The following FNBP1L variants were observed in gnomAD, a reference collection of about 807,000 sequenced individuals.
FNBP1L encodes formin binding protein 1 like.
A neutral mutation model predicts 91.2 loss-of-function variants in FNBP1L; 36 were observed. The ratio of observed to expected loss-of-function variants is 0.39; its 90% CI spans 0.30 to 0.52. The LOEUF (loss-of-function observed/expected upper bound fraction) is 0.52. FNBP1L is among the 20% of genes least tolerant of loss of function. The pLI is 0.66. For missense variants in FNBP1L, 571 were observed against 732.1 expected (o/e 0.78, Z 2.54); for synonymous variants, 242 against 237.0 (o/e 1.02, Z -0.19).
At chr1:93,449,522 T>G (rs1668412258) in intron 1 of FNBP1L, among the ~76,000 whole-genome samples, 1 of 152,190 alleles carries the variant, frequency 6.6e-6, no homozygotes, top group Non-Finnish European at 1.5e-5. Context: ...CAAAATGTTT[T>G]CTTATTTTTC....
At chr1:93,475,969 G>GT (rs1296150641) in intron 1 of FNBP1L, among the ~76,000 whole-genome samples, 1 of 151,864 alleles carries the variant, frequency 6.6e-6, no homozygotes, top group Non-Finnish European at 1.5e-5. Context: ...ACTCAATTTT[G>GT]TTTTTTTAAT....
chr1:93,508,376 C>G (rs916571141), intron 2 of FNBP1L, among the ~76,000 whole-genome samples: 1 of 152,044 alleles, frequency 6.6e-6, no homozygotes, highest in South Asian at 2.1e-4. Flanking sequence ...TGTCTTCTTT[C>G]AGAGCATATG....
At chr1:93,501,260 G>T (rs911493480) in intron 2 of FNBP1L, among the ~76,000 whole-genome samples, 1 of 152,092 alleles carries the variant, frequency 6.6e-6, no homozygotes, top group African/African-American at 2.4e-5. Context: ...AAAAATAGAT[G>T]AAATTTACTG....
chr1:93,545,814 G>C (rs1204159629), intron 12 of FNBP1L, among the ~76,000 whole-genome samples: 3 of 150,208 alleles, frequency 2.0e-5, no homozygotes, highest in Non-Finnish European at 3.0e-5. Context: ...ACTTTCACCT[G>C]ATTGGATGCT....
chr1:93,522,256 TTAA>T (rs1376590839), intron 3 of FNBP1L, 121 bp downstream of exon 3: 3 of 412,294 alleles, frequency 7.3e-6, no homozygotes, highest in African/African-American at 4.2e-5. Flanking sequence ...AATTTAAAAA[TTAA>T]TGTTTATGAA....
chr1:93,541,767 G>T (rs1050444897), intron 11 of FNBP1L, among the ~76,000 whole-genome samples: 16 of 152,150 alleles, frequency 1.1e-4, no homozygotes, highest in Non-Finnish European at 1.6e-4. Flanking sequence ...TTCCTTTGTA[G>T]TAAGAGAGGT....
At chr1:93,535,202 G>T (rs1028522580) in intron 9 of FNBP1L, among the ~76,000 whole-genome samples, 8 of 152,080 alleles carry the variant, frequency 5.3e-5, no homozygotes, top group African/African-American at 1.9e-4. Flanking sequence ...GAATTTTTAA[G>T]GAAACATGAT....
At chr1:93,524,548 A>G (rs1321138158) in intron 5 of FNBP1L, among the ~76,000 whole-genome samples, 1 of 148,556 alleles carries the variant, frequency 6.7e-6, no homozygotes, top group Non-Finnish European at 1.5e-5. Flanking sequence ...AGAACTCTGT[A>G]ATCTTCAATC....
intron 12 of FNBP1L, among the ~76,000 whole-genome samples, chr1:93,546,322 G>A (rs928768811): frequency 1.3e-5 from 2 of 152,060 alleles, no homozygotes; most frequent in Admixed American, 6.6e-5. Context: ...AGGCACAACC[G>A]ATTGTAATAT....
At chr1:93,546,478 G>A (rs914085800) in intron 12 of FNBP1L, among the ~76,000 whole-genome samples, 2 of 152,156 alleles carry the variant, frequency 1.3e-5, no homozygotes, top group Non-Finnish European at 2.9e-5. Context: ...GTGGAATAGT[G>A]TGGCTGAGTT....
Position 93,534,739 on chromosome 1 carries a change from GT to G in FNBP1L, c.825del (p.Phe275LeufsTer41). On this transcript the variant is annotated frameshift_variant, in exon 9 of 17. Coordinates refer to ENST00000271234, the MANE Select transcript of FNBP1L (RefSeq NM_001164473.3). LOFTEE classifies it high-confidence loss of function. ...SQMVVDSFKS[G>X]FEPPGDFPFE... ...ATGGTGGTAGACTCCTTCAAATCTG[GT>G]TTTGAACCTCCAGGAGACTTTCCAT... is the stretch of plus-strand genomic sequence containing the variant. The G allele has an allele frequency of 6.4e-7, 1 of 1,571,656 alleles. No individual in the cohort carries two copies. The highest frequency in any genetic ancestry group is 8.7e-7 in the Non-Finnish European group (1 of 1,155,886).
chr1:93,547,204 C>T, intron 13 of FNBP1L, 143 bp from the exon 14 acceptor site: 1 of 877,604 alleles, frequency 1.1e-6, no homozygotes, highest in Non-Finnish European at 1.7e-6. Context: ...TAAAGTTGAT[C>T]CTTTGACCAG....
intron 1 of FNBP1L, among the ~76,000 whole-genome samples, chr1:93,494,479 G>A (rs945693408): frequency 2.0e-5 from 3 of 152,264 alleles, no homozygotes; most frequent in South Asian, 2.1e-4. Flanking sequence ...CAGGAGGTTT[G>A]GGGGTGGGGA....
intron 1 of FNBP1L, among the ~76,000 whole-genome samples, chr1:93,494,417 T>C (rs1364271333): frequency 2.6e-5 from 4 of 152,186 alleles, no homozygotes; most frequent in Non-Finnish European, 5.9e-5. Context: ...TATGATTGAT[T>C]AAATCATTAA....
chr1:93,467,106 C>G (rs1669106377), intron 1 of FNBP1L, among the ~76,000 whole-genome samples: 1 of 152,196 alleles, frequency 6.6e-6, no homozygotes, highest in African/African-American at 2.4e-5. Context: ...ATCCACCCGC[C>G]TTGGCCTCCC....
intron 2 of FNBP1L, among the ~76,000 whole-genome samples, chr1:93,513,234 C>T (rs1670930454): frequency 6.6e-6 from 1 of 151,572 alleles, no homozygotes; most frequent in Non-Finnish European, 1.5e-5. Flanking sequence ...AGTTGAATCT[C>T]TGAATAGACC....
intron 1 of FNBP1L, among the ~76,000 whole-genome samples, chr1:93,456,623 A>G (rs2101683927): frequency 6.7e-6 from 1 of 149,180 alleles, no homozygotes; most frequent in East Asian, 2.0e-4. Context: ...AAAAAAAAAA[A>G]GCAAAAATAA....
chr1:93,524,376 C>T, intron 5 of FNBP1L, 53 bp downstream of exon 5: 2 of 1,284,364 alleles, frequency 1.6e-6, no homozygotes, highest in Non-Finnish European at 2.1e-6. Flanking sequence ...CTAGATTAGC[C>T]CTAAATACTT....
intron 10 of FNBP1L, among the ~76,000 whole-genome samples, chr1:93,538,815 A>G (rs1391192502): frequency 6.6e-6 from 1 of 152,098 alleles, no homozygotes; most frequent in African/African-American, 2.4e-5. Flanking sequence ...TTTGCTGCAC[A>G]TTGCTTTTCC....
Sources: gnomAD v4.1 joint callset for allele counts (sites outside exome capture counted in the v4.1 genomes callset) on GRCh38, gnomAD v4.1.1 for gene constraint, MANE v1.5 for transcripts, NCBI Gene and HGNC (gene_info 2026-07-23, HGNC 2026-07-21) for gene names.